The following FAM184B variants were observed in gnomAD, a reference collection of about 807,000 sequenced individuals.
The protein encoded by FAM184B is family with sequence similarity 184 member B.
A neutral mutation model predicts 135.9 loss-of-function variants in FAM184B; 111 were observed. That is an observed-to-expected ratio of 0.82 (90% CI 0.70 to 0.96). The LOEUF is 0.96. Among genes scored for constraint, FAM184B ranks in the 40% least tolerant of loss-of-function variants. The pLI is 0.00. For synonymous variants in FAM184B, 552 were observed against 524.8 expected (o/e 1.05, Z -0.71); for missense variants, 1,375 against 1,323.9 (o/e 1.04, Z -0.60).
At chr4:17,663,594 C>T (rs1287385652) in intron 8 of FAM184B, among the ~76,000 whole-genome samples, 1 of 132,014 alleles carries the variant, frequency 7.6e-6, no homozygotes, top group Non-Finnish European at 1.6e-5. Context: ...AGAGCCAAAT[C>T]AGGAACACAA....
rs190275581 is a variant in FAM184B, at chr4:17,749,410, C to T, written c.141+31749G>A. Among the ~76,000 whole-genome samples, 3 of 151,568 alleles carry T rather than the reference C, an allele frequency of 2.0e-5. No homozygotes were observed. The East Asian group carries it at 5.9e-4, about 30-fold the overall frequency. ...CAGCCAGGGCAGCCTAGTGAGATCTCATCTCTATTAAAAAAAAGATGCTTC... is the reference window on the plus strand; with the variant it reads ...CAGCCAGGGCAGCCTAGTGAGATCTTATCTCTATTAAAAAAAAGATGCTTC... On this transcript the variant is annotated intron_variant, in intron 1 of 17. Coordinates refer to ENST00000265018, the MANE Select transcript of FAM184B (RefSeq NM_015688.2).
intron 5 of FAM184B, among the ~76,000 whole-genome samples, chr4:17,701,040 A>G (rs1417321179): frequency 6.6e-6 from 1 of 152,212 alleles, no homozygotes; most frequent in African/African-American, 2.4e-5. Context: ...TCGAGGTGAC[A>G]TATTTAAGAT....
intron 1 of FAM184B, among the ~76,000 whole-genome samples, chr4:17,775,443 C>G (rs1718907679): frequency 6.6e-6 from 1 of 152,190 alleles, no homozygotes; most frequent in Non-Finnish European, 1.5e-5. Flanking sequence ...CCTCGGCCTC[C>G]CAAACTGCTG....
chr4:17,634,028 T>C lies in FAM184B; in HGVS notation c.2890-140A>G, dbSNP rs6449318. 0.011 allele frequency: 6,341 copies of C among 579,636 alleles called. 304 individuals are homozygous for C. In the African/African-American group the frequency reaches 0.11, roughly 10 times the overall value. The allele number at this position is 579,636 out of a possible 1,614,324, so 35.9% of individuals were successfully genotyped here. On this transcript the variant is annotated intron_variant, in intron 16 of 17. Transcript: ENST00000265018. Reference sequence around the variant, plus strand: ...ATTTCATTTATACACTTACATGCTATTTTTTAAAGCACTTTTCCCTCCAAT... The same window carrying C: ...ATTTCATTTATACACTTACATGCTACTTTTTAAAGCACTTTTCCCTCCAAT...
At chr4:17,701,312 G>A (rs897267022) in intron 5 of FAM184B, among the ~76,000 whole-genome samples, 1 of 152,200 alleles carries the variant, frequency 6.6e-6, no homozygotes, top group Non-Finnish European at 1.5e-5. Context: ...CACATAGACT[G>A]GTAGAGAGCA....
At position 17,709,094 on chromosome 4, in the gene FAM184B, G is replaced by T. The variant is rs866909484; in HGVS notation, c.692C>A (p.Ala231Asp). 2 of 1,549,582 alleles carry T rather than the reference G, an allele frequency of 1.3e-6. No individual in the cohort carries two copies. The highest frequency in any genetic ancestry group is 1.7e-4 in the Middle Eastern group (1 of 5,992). The stretch of plus-strand genomic sequence containing the variant: ...CGACTGCTGCATGGCCTGCCGGATG[G>T]CCTCGTTTTCCCTCTCGTAGGTGGC... Reference protein sequence around the residue: ...LQATYERENEAIRQAMQQSVS... With the variant: ...LQATYERENEDIRQAMQQSVS... Residue 231 changes from alanine to aspartate, a missense_variant, in exon 2 of 18, where the codon GCC becomes GAC. Ala to Asp is a moderately radical substitution (Grantham distance 126, BLOSUM62 -2). Coordinates refer to ENST00000265018, the MANE Select transcript of FAM184B (RefSeq NM_015688.2).
rs1715338515 is a variant in FAM184B at position 17,642,092 on chromosome 4, T to TG, written c.2482dup (p.His828ProfsTer47). On this transcript the variant is annotated frameshift_variant, in exon 13 of 18. Coordinates refer to ENST00000265018, the MANE Select transcript of FAM184B (RefSeq NM_015688.2). LOFTEE classifies it high-confidence loss of function. ...TCGGAGCTTCTGCGCCTCCTGCTGA[T>TG]GCTGCTCCACCTCCGCGCGCAGCCG... is the stretch of plus-strand genomic sequence containing the variant. 1 of 1,532,682 alleles carries TG rather than the reference T, an allele frequency of 6.5e-7. No individual in the cohort carries two copies. The highest frequency in any genetic ancestry group is 8.7e-7 in the Non-Finnish European group (1 of 1,145,238). The allele number at this position is 1,532,682 out of a possible 1,614,324, so 94.9% of individuals were successfully genotyped here.
At chr4:17,780,534 A>C (rs1719012819) in intron 1 of FAM184B, among the ~76,000 whole-genome samples, 1 of 152,058 alleles carries the variant, frequency 6.6e-6, no homozygotes, top group African/African-American at 2.4e-5. Flanking sequence ...GGGAAGGTTC[A>C]ATCAGAGCCC....
chr4:17,781,572 G>T lies in FAM184B; in HGVS notation c.-273C>A, dbSNP rs982285821. 1 of 402,268 alleles carries T rather than the reference G, an allele frequency of 2.5e-6. No homozygotes were observed. Among genetic ancestry groups the T allele is most frequent in the Non-Finnish European group, 4.4e-6 (1 of 226,774 alleles). 24.9% of individuals were successfully genotyped at this position (402,268 alleles called of 1,614,324 possible). A position where few individuals can be genotyped will look rare whatever the true frequency, so the allele number is the denominator to read the frequency against. Reference sequence around the variant, plus strand: ...GCGGCGAGGCGTCGGCGCCCCGCACGTGCCGCTGGCGATCAGTCTGCAGTT... The same window carrying T: ...GCGGCGAGGCGTCGGCGCCCCGCACTTGCCGCTGGCGATCAGTCTGCAGTT... On this transcript the variant is annotated 5_prime_UTR_variant, in exon 1 of 18. Transcript: ENST00000265018. This position sits in a 1 kb window ranked among gnomAD's most constrained non-coding sequence, Gnocchi z 6.5.
chr4:17,765,809 G>C (rs1193855598), intron 1 of FAM184B, among the ~76,000 whole-genome samples: 1 of 152,180 alleles, frequency 6.6e-6, no homozygotes, highest in Non-Finnish European at 1.5e-5. Flanking sequence ...TGTGTCCAGA[G>C]TTTGTTCCTT....
intron 1 of FAM184B, among the ~76,000 whole-genome samples, chr4:17,764,908 TAAAC>T (rs1000990606): frequency 4.0e-5 from 6 of 151,850 alleles, no homozygotes; most frequent in African/African-American, 1.2e-4. Context: ...CTACAAAAAA[TAAAC>T]AAAATTAGCT....
rs1177299555 is a variant in FAM184B at position 17,709,503 on chromosome 4, C to T, written c.283G>A (p.Glu95Lys). ...GCCTGGATGCGCTGTAGAAGGGCTT[C>T]CTCCTCTGCGCAGCCCTGTTCCTGC... ...LLQEQGCAEE[E>K]ALLQRIQALE... The change falls in exon 2 of 18, where the codon GAA (glutamate) becomes AAA (lysine). Residue 95 changes from glutamate (E) to lysine (K), a missense_variant. Physicochemically the swap from Glu to Lys is moderately conservative, Grantham distance 56. Transcript: ENST00000265018. 1 of 1,550,592 alleles carries T rather than the reference C, an allele frequency of 6.4e-7. No homozygotes were observed. Among genetic ancestry groups the T allele is most frequent in the Non-Finnish European group, 8.7e-7 (1 of 1,146,660 alleles).
chr4:17,686,500 T>G (rs1050890450), intron 7 of FAM184B, among the ~76,000 whole-genome samples: 1 of 152,238 alleles, frequency 6.6e-6, no homozygotes, highest in Non-Finnish European at 1.5e-5. Flanking sequence ...ATCCTGGGCA[T>G]GTGCTGCTCT....
chr4:17,668,665 T>G (rs1716106192), intron 7 of FAM184B, among the ~76,000 whole-genome samples: 1 of 152,220 alleles, frequency 6.6e-6, no homozygotes, highest in African/African-American at 2.4e-5. Context: ...CCCAAGTAGC[T>G]GGGACTACAG....
chr4:17,685,740 C>T (rs781394919), intron 7 of FAM184B, among the ~76,000 whole-genome samples: 3 of 151,916 alleles, frequency 2.0e-5, no homozygotes, highest in Non-Finnish European at 4.4e-5. Context: ...ACTGGCATCT[C>T]GTGGGTAAAG....
chr4:17,729,655 G>A lies in FAM184B; in HGVS notation c.142-20011C>T, dbSNP rs561410146. On this transcript the variant is annotated intron_variant, in intron 1 of 17. Transcript: ENST00000265018. ...CTGCTGCTGATACCCAGGCAAACAGGGTCTGGAGTGGACCTCTAGCAAACT... is the reference window on the plus strand; with the variant it reads ...CTGCTGCTGATACCCAGGCAAACAGAGTCTGGAGTGGACCTCTAGCAAACT... Among the ~76,000 whole-genome samples the A allele has an allele frequency of 2.6e-5, 4 of 152,192 alleles. No homozygotes were observed. The South Asian group carries it at 6.2e-4, about 24-fold the overall frequency.
At chr4:17,750,330 T>C (rs777386976) in intron 1 of FAM184B, among the ~76,000 whole-genome samples, 3 of 152,242 alleles carry the variant, frequency 2.0e-5, no homozygotes, top group Non-Finnish European at 4.4e-5. Flanking sequence ...TTTAATCCTA[T>C]GAACTTTAAT....
At chr4:17,724,351 T>C (rs1717596434) in intron 1 of FAM184B, among the ~76,000 whole-genome samples, 1 of 152,188 alleles carries the variant, frequency 6.6e-6, no homozygotes, top group Admixed American at 6.5e-5. Flanking sequence ...AGGTATACCA[T>C]CAAAATACTC....
chr4:17,720,337 C>G (rs143335408), intron 1 of FAM184B, among the ~76,000 whole-genome samples: 1 of 152,272 alleles, frequency 6.6e-6, no homozygotes, highest in East Asian at 1.9e-4. Context: ...CACAGGAACT[C>G]CTTTCTTTCA....
Sources: allele counts gnomAD v4.1 joint callset (sites outside exome capture counted in the v4.1 genomes callset), GRCh38; gene constraint gnomAD v4.1.1; non-coding constraint Gnocchi (gnomAD v3.1); transcripts MANE v1.5; gene names NCBI Gene and HGNC (gene_info 2026-07-23, HGNC 2026-07-21).